Variants in PCDHA4 observed in about 807,000 individuals in gnomAD.
The protein encoded by PCDHA4 is protocadherin alpha-4.
In PCDHA4, 49 loss-of-function variants were observed where a neutral mutation model predicts 61.4. That is an observed-to-expected ratio of 0.80 (90% confidence interval 0.63 to 1.01). The LOEUF (loss-of-function observed/expected upper bound fraction) is 1.01. Among genes scored for constraint, PCDHA4 ranks in the 50% least tolerant of loss-of-function variants. The pLI is 0.00. For missense variants in PCDHA4, 1,254 were observed against 1,235.8 expected (o/e 1.01, Z -0.22); for synonymous variants, 590 against 550.3 (o/e 1.07, Z -1.01).
At chr5:140,836,208 T>A (rs2150255452) in intron 1 of PCDHA4, 31 of 1,613,658 alleles carry the variant, frequency 1.9e-5, no homozygotes, top group Non-Finnish European at 2.6e-5. Flanking sequence ...GTGGCTTTCG[T>A]ATGAGTTGCA....
At chr5:140,881,259 C>A in intron 1 of PCDHA4, 1 of 524,594 alleles carries the variant, frequency 1.9e-6, no homozygotes, top group Non-Finnish European at 2.4e-6. Flanking sequence ...AGGTTTTACT[C>A]AGTGATGATG....
Position 140,809,288 on chromosome 5 carries a change from A to G in PCDHA4, c.2101A>G (p.Ile701Val), listed in dbSNP as rs781967550. 1.2e-6 allele frequency: 2 copies of G among 1,614,070 alleles called. No homozygotes were observed. The highest frequency in any genetic ancestry group is 1.7e-6 in the Non-Finnish European group (2 of 1,179,944). The stretch of plus-strand genomic sequence containing the variant: ...GCTGGTGGATGTCAACGTATACCTG[A>G]TCATTGCCATCTGCGCGGTGTCCAG... ...AALVDVNVYL[I>V]IAICAVSSLL... Residue 701 changes from isoleucine to valine, a missense_variant, in exon 1 of 4, where the codon ATC becomes GTC. Ile to Val is a conservative substitution (Grantham distance 29, BLOSUM62 3). Coordinates refer to ENST00000530339, the MANE Select transcript of PCDHA4 (RefSeq NM_018907.4).
chr5:141,001,359 T>C (rs186629026), intron 3 of PCDHA4, among the ~76,000 whole-genome samples: 4 of 152,344 alleles, frequency 2.6e-5, no homozygotes, highest in Admixed American at 1.3e-4. Context: ...GGTTTAAGCC[T>C]ACTATTCTGA....
In PCDHA4 at chr5:140,871,470, G is replaced by A. The variant is rs782433204; in HGVS notation, c.2385+61898G>A. ...AAGAGGAGGAAGGGGAAAGACAGGAGCCAGGGTCAAATCACCCCGGACAGG... is the reference window on the plus strand; with the variant it reads ...AAGAGGAGGAAGGGGAAAGACAGGAACCAGGGTCAAATCACCCCGGACAGG... On this transcript the variant is annotated intron_variant, in intron 1 of 3. Coordinates refer to ENST00000530339, the MANE Select transcript of PCDHA4 (RefSeq NM_018907.4). The A allele has an allele frequency of 3.1e-6, 5 of 1,601,030 alleles. No individual in the cohort carries two copies. In the South Asian group the frequency reaches 4.5e-5, roughly 14 times the overall value.
At chr5:140,860,167 A>G (rs924380316) in intron 1 of PCDHA4, 2 of 149,440 alleles carry the variant, frequency 1.3e-5, no homozygotes, top group Non-Finnish European at 3.0e-5. Flanking sequence ...ATATATATGT[A>G]TATATATATG....
intron 1 of PCDHA4, among the ~76,000 whole-genome samples, chr5:140,932,061 T>G (rs1009983968): frequency 5.3e-5 from 8 of 152,046 alleles, no homozygotes; most frequent in African/African-American, 1.9e-4. Flanking sequence ...TACTAAAAAT[T>G]ATCAGTTTAA....
chr5:140,928,533 T>C (rs112671808), intron 1 of PCDHA4: 1 of 1,614,230 alleles, frequency 6.2e-7, no homozygotes, highest in African/African-American at 1.3e-5. Flanking sequence ...TTGTGGTAGA[T>C]AGGAATGACA....
chr5:140,861,870 GC>G (rs1319389506), intron 1 of PCDHA4: 1 of 156,092 alleles, frequency 6.4e-6, no homozygotes, highest in East Asian at 1.9e-4. Context: ...ACTGATGGGG[GC>G]GAAGCTGAGC....
intron 1 of PCDHA4, chr5:140,834,234 C>T: frequency 1.3e-6 from 1 of 766,094 alleles, no homozygotes; most frequent in Non-Finnish European, 2.1e-6. Context: ...GGAAGTCATT[C>T]CTTTTCGCAC....
intron 1 of PCDHA4, among the ~76,000 whole-genome samples, chr5:140,940,230 TA>T (rs2153645241): frequency 6.6e-6 from 1 of 152,330 alleles, no homozygotes; most frequent in Non-Finnish European, 1.5e-5. Flanking sequence ...TTCATTTTGG[TA>T]CATTAAAGTT....
intron 1 of PCDHA4, among the ~76,000 whole-genome samples, chr5:140,973,225 G>A (rs1554235003): frequency 6.6e-6 from 1 of 152,180 alleles, no homozygotes; most frequent in African/African-American, 2.4e-5. Flanking sequence ...TCCAGGTATA[G>A]TGACCTGAAA....
intron 3 of PCDHA4, among the ~76,000 whole-genome samples, chr5:140,994,234 C>A (rs1285846864): frequency 4.6e-5 from 7 of 152,146 alleles, no homozygotes; most frequent in South Asian, 2.1e-4. Flanking sequence ...ATGTTATAAT[C>A]AATTCAAACC....
chr5:140,852,888 T>C, intron 1 of PCDHA4: 1 of 920,092 alleles, frequency 1.1e-6, no homozygotes, highest in Non-Finnish European at 1.3e-6. Context: ...AAAACGTATT[T>C]TTTTTTTTGA....
intron 1 of PCDHA4, among the ~76,000 whole-genome samples, chr5:140,878,662 C>G (rs1479409326): frequency 6.6e-6 from 1 of 152,194 alleles, no homozygotes; most frequent in African/African-American, 2.4e-5. Context: ...CCAGAGGCTT[C>G]TCTTTAACCA....
At chr5:140,842,605 G>T (rs1198033528) in intron 1 of PCDHA4, 2 of 1,550,578 alleles carry the variant, frequency 1.3e-6, no homozygotes, top group African/African-American at 2.9e-5. Context: ...TAACCGCGCG[G>T]GACGGGGGCT....
chr5:140,982,286 A>C, intron 2 of PCDHA4, 189 bp from the exon 3 acceptor site: 1 of 1,075,236 alleles, frequency 9.3e-7, no homozygotes, highest in Non-Finnish European at 1.3e-6. Flanking sequence ...GCAGGCAATA[A>C]GTAAGTCAGC....
intron 1 of PCDHA4, chr5:140,822,171 C>G: frequency 6.2e-7 from 1 of 1,614,246 alleles, no homozygotes; most frequent in Non-Finnish European, 8.5e-7. Flanking sequence ...CGCCCAGGTT[C>G]TCCAGACAAG....
At chr5:140,829,328 C>T (rs782173510) in intron 1 of PCDHA4, 18 of 1,614,244 alleles carry the variant, frequency 1.1e-5, no homozygotes, top group African/African-American at 1.3e-5. Flanking sequence ...GGACAGTGCC[C>T]TGGACCGCGA....
chr5:140,932,700 AT>A (rs2088549755), intron 1 of PCDHA4, among the ~76,000 whole-genome samples: 1 of 151,992 alleles, frequency 6.6e-6, no homozygotes, highest in Non-Finnish European at 1.5e-5. Context: ...AAAAACTCAT[AT>A]AGACAACACA....
Sources: gnomAD v4.1 joint callset for allele counts (sites outside exome capture counted in the v4.1 genomes callset) on GRCh38, gnomAD v4.1.1 for gene constraint, MANE v1.5 for transcripts, NCBI Gene and HGNC (gene_info 2026-07-23, HGNC 2026-07-21) for gene names.